Variants in NLN observed in about 807,000 individuals in gnomAD.
The protein encoded by NLN is neurolysin, mitochondrial.
Under a neutral mutation model 79.9 loss-of-function variants are expected in NLN, and 64 were observed. The ratio of observed to expected loss-of-function variants is 0.80; its 90% CI spans 0.65 to 0.99. The LOEUF (loss-of-function observed/expected upper bound fraction) is 0.99. Among genes scored for constraint, NLN ranks in the 50% least tolerant of loss-of-function variants. NLN has a pLI of 0.00. For missense variants in NLN, 835 were observed against 858.7 expected (o/e 0.97, Z 0.34); for synonymous variants, 267 against 296.6 (o/e 0.90, Z 1.02).
chr5:65,772,392 T>C (rs1759587678), intron 3 of NLN, among the ~76,000 whole-genome samples: 1 of 152,236 alleles, frequency 6.6e-6, no homozygotes. Flanking sequence ...CTTCATGCAG[T>C]GTGATGCCTC....
intron 1 of NLN, among the ~76,000 whole-genome samples, chr5:65,748,134 G>C (rs1207583408): frequency 6.6e-6 from 1 of 152,188 alleles, no homozygotes; most frequent in African/African-American, 2.4e-5. Context: ...CTGGGAGGCA[G>C]AGGTTTCAGT....
At chr5:65,746,661 A>G (rs902293741) in intron 1 of NLN, among the ~76,000 whole-genome samples, 3 of 152,204 alleles carry the variant, frequency 2.0e-5, no homozygotes, top group Non-Finnish European at 4.4e-5. Context: ...GGAGAAATGT[A>G]AATACTCCAG....
At chr5:65,759,562 G>C (rs1338193393) in intron 2 of NLN, among the ~76,000 whole-genome samples, 1 of 152,130 alleles carries the variant, frequency 6.6e-6, no homozygotes, top group Admixed American at 6.5e-5. Flanking sequence ...AGACCCAAGA[G>C]AGCTGATGTT....
At chr5:65,770,831 A>G (rs1759551355) in intron 3 of NLN, among the ~76,000 whole-genome samples, 2 of 152,230 alleles carry the variant, frequency 1.3e-5, no homozygotes, top group South Asian at 4.1e-4. Context: ...GTATAACAAC[A>G]TGGAACAATA....
intron 9 of NLN, among the ~76,000 whole-genome samples, chr5:65,802,233 A>G (rs1328631799): frequency 1.3e-5 from 2 of 152,180 alleles, no homozygotes; most frequent in African/African-American, 4.8e-5. Flanking sequence ...GTGGAGTGGC[A>G]AGGGGTGCAT....
chr5:65,816,749 A>T (rs1273365770), intron 12 of NLN, among the ~76,000 whole-genome samples: 1 of 152,160 alleles, frequency 6.6e-6, no homozygotes, highest in East Asian at 1.9e-4. Context: ...AATTTTTATG[A>T]TATAAAGGAA....
intron 4 of NLN, among the ~76,000 whole-genome samples, chr5:65,779,564 C>G (rs750025982): frequency 4.6e-5 from 7 of 152,098 alleles, no homozygotes; most frequent in Non-Finnish European, 1.0e-4. Context: ...ATGCTGATTA[C>G]TGAATTAAAA....
intron 1 of NLN, among the ~76,000 whole-genome samples, chr5:65,756,328 A>G (rs1759217567): frequency 6.6e-6 from 1 of 151,998 alleles, no homozygotes; most frequent in Non-Finnish European, 1.5e-5. Context: ...TTTTCCCCCA[A>G]AAAGCCTCCT....
chr5:65,751,695 A>T (rs1759105927), intron 1 of NLN, among the ~76,000 whole-genome samples: 1 of 152,246 alleles, frequency 6.6e-6, no homozygotes, highest in South Asian at 2.1e-4. Flanking sequence ...CTGAAAGTAC[A>T]TTCCATAAAA....
At chr5:65,812,183 A>G in intron 11 of NLN, 72 bp from the exon 12 acceptor site, 1 of 1,347,876 alleles carries the variant, frequency 7.4e-7, no homozygotes, top group Non-Finnish European at 1.1e-6. Context: ...CTCAGAGGGA[A>G]ACCTTAGCTA....
At chr5:65,766,917 C>T (rs1759464149) in intron 3 of NLN, among the ~76,000 whole-genome samples, 1 of 152,266 alleles carries the variant, frequency 6.6e-6, no homozygotes, top group South Asian at 2.1e-4. Context: ...TCCTTTGACT[C>T]CATGTCTCAC....
At chr5:65,819,581 A>G (rs1350505297) in intron 12 of NLN, among the ~76,000 whole-genome samples, 1 of 152,240 alleles carries the variant, frequency 6.6e-6, no homozygotes. Context: ...GAGGTGGATG[A>G]CACTGGTTTT....
chr5:65,723,814 C>CAATAAAAAAA (rs1758385652), intron 1 of NLN, among the ~76,000 whole-genome samples: 1 of 55,316 alleles, frequency 1.8e-5, no homozygotes, highest in African/African-American at 6.4e-5. Flanking sequence ...GACTCCGTCT[C>CAATAAAAAAA]AAAAAAAAAA....
rs550973778 is a variant in NLN, at chr5:65,731,424, C to T, written c.41+9010C>T. 2.6e-5 allele frequency among the ~76,000 whole-genome samples: 4 copies of T among 152,262 alleles called. No individual in the cohort carries two copies. In the East Asian group the frequency reaches 5.8e-4, roughly 22 times the overall value. ...CATGTTAGTTATCAGTCTACCACATCGGCACATAATAAAATCTCGAGAAAT... is the reference window on the plus strand; with the variant it reads ...CATGTTAGTTATCAGTCTACCACATTGGCACATAATAAAATCTCGAGAAAT... On this transcript the variant is annotated intron_variant, in intron 1 of 12. Coordinates refer to ENST00000380985, the MANE Select transcript of NLN (RefSeq NM_020726.5).
intron 1 of NLN, among the ~76,000 whole-genome samples, chr5:65,750,658 G>A (rs1001529983): frequency 5.9e-5 from 9 of 152,316 alleles, no homozygotes; most frequent in African/African-American, 2.2e-4. Context: ...CTAGTTTACA[G>A]TGAGCTATGA....
chr5:65,785,882 G>T lies in NLN; in HGVS notation c.930G>T (p.Lys310Asn), dbSNP rs753755208. ...ADFVLEMNTA[K>N]STSRVTAFLD... ...TCGTCCTTGAAATGAACACTGCAAA[G>T]AGCACAAGCCGCGTAACAGCCTTTC... is the stretch of plus-strand genomic sequence containing the variant. The change falls in exon 7 of 13, where the codon AAG (lysine) becomes AAT (asparagine). Residue 310 changes from lysine to asparagine, a missense_variant. Physicochemically the swap from Lys to Asn is moderately conservative, Grantham distance 94. Coordinates refer to ENST00000380985, the MANE Select transcript of NLN (RefSeq NM_020726.5). The T allele has an allele frequency of 2.5e-5, 41 of 1,613,186 alleles. No homozygotes were observed. The highest frequency in any genetic ancestry group is 3.4e-5 in the Non-Finnish European group (40 of 1,179,688).
At chr5:65,761,713 T>C (rs1209387210) in intron 2 of NLN, among the ~76,000 whole-genome samples, 2 of 152,248 alleles carry the variant, frequency 1.3e-5, no homozygotes, top group East Asian at 3.8e-4. Flanking sequence ...ATAAAATTAT[T>C]ATTAAATCCT....
At chr5:65,775,584 T>C (rs1759662876) in intron 3 of NLN, among the ~76,000 whole-genome samples, 1 of 152,208 alleles carries the variant, frequency 6.6e-6, no homozygotes, top group Non-Finnish European at 1.5e-5. Flanking sequence ...TAGAGACTCC[T>C]GTTGCTGTGC....
At chr5:65,799,458 A>G (rs764413171) in intron 9 of NLN, among the ~76,000 whole-genome samples, 1 of 152,208 alleles carries the variant, frequency 6.6e-6, no homozygotes, top group South Asian at 2.1e-4. Flanking sequence ...TTAAGTTTGA[A>G]TCTTCATACA....
Sources: allele counts gnomAD v4.1 joint callset (sites outside exome capture counted in the v4.1 genomes callset), GRCh38; gene constraint gnomAD v4.1.1; transcripts MANE v1.5; gene names NCBI Gene and HGNC (gene_info 2026-07-23, HGNC 2026-07-21).